HS6ST3: variants seen among roughly 807,000 people sequenced by gnomAD.
The protein encoded by HS6ST3 is heparan-sulfate 6-O-sulfotransferase 3.
Under a neutral mutation model 36.7 loss-of-function variants are expected in HS6ST3, and 12 were observed. That is an observed-to-expected ratio of 0.33 (90% CI 0.21 to 0.53). The LOEUF is 0.53. Ranked by LOEUF, HS6ST3 falls within the 20% of genes least tolerant of loss-of-function variation. The pLI, the probability that HS6ST3 is intolerant of heterozygous loss-of-function variation, is 0.95. For synonymous variants in HS6ST3, 240 were observed against 257.5 expected, an observed-to-expected ratio of 0.93 and a Z score of 0.65; for missense variants, 584 against 640.9, an observed-to-expected ratio of 0.91 and a Z score of 0.96.
chr13:96,562,099 T>C (rs1046215610), intron 1 of HS6ST3, among the ~76,000 whole-genome samples: 5 of 152,216 alleles, frequency 3.3e-5, no homozygotes, highest in Admixed American at 3.3e-4. Context: ...GCAAAATTAT[T>C]CACAATAGCA....
intron 1 of HS6ST3, among the ~76,000 whole-genome samples, chr13:96,396,875 A>C (rs2055424619): frequency 6.6e-6 from 1 of 152,222 alleles, no homozygotes; most frequent in Non-Finnish European, 1.5e-5. Context: ...AAGGAATTAA[A>C]GTAGATAAAT....
intron 1 of HS6ST3, among the ~76,000 whole-genome samples, chr13:96,100,093 A>G (rs549168839): frequency 6.6e-6 from 1 of 152,300 alleles, no homozygotes; most frequent in East Asian, 1.9e-4. Context: ...AAGAACAAAA[A>G]TAGTCAAGGT....
chr13:96,210,533 A>G (rs1009616366), intron 1 of HS6ST3, among the ~76,000 whole-genome samples: 5 of 151,340 alleles, frequency 3.3e-5, no homozygotes, highest in African/African-American at 7.3e-5. Context: ...TTTCGATCAC[A>G]TGAACTTAGT....
chr13:96,112,700 G>A (rs1677891282), intron 1 of HS6ST3, among the ~76,000 whole-genome samples: 1 of 145,790 alleles, frequency 6.9e-6, no homozygotes, highest in Non-Finnish European at 1.5e-5. Flanking sequence ...CCCATGAGTT[G>A]GAGGTTGCAG....
intron 1 of HS6ST3, among the ~76,000 whole-genome samples, chr13:96,332,720 G>A (rs538800026): frequency 4.6e-5 from 7 of 152,210 alleles, no homozygotes; most frequent in Non-Finnish European, 8.8e-5. Context: ...TTTACATTTT[G>A]TACAGGAAAT....
In HS6ST3 at chr13:96,644,055, C is replaced by CT. The variant is rs746515398; in HGVS notation, c.708-188433dup. ...ATGAAAGATAATCTTTTTGGATGTC[C>CT]TTACCAGCATTTTCCACTGATGCTA... is the stretch of plus-strand genomic sequence containing the variant. On this transcript the variant is annotated intron_variant, in intron 1 of 1. Coordinates refer to ENST00000376705, the MANE Select transcript of HS6ST3 (RefSeq NM_153456.4). Among the ~76,000 whole-genome samples the CT allele has an allele frequency of 3.4e-4, 51 of 151,856 alleles. 1 individual carries two copies. The highest frequency in any genetic ancestry group is 4.1e-4 in the South Asian group (2 of 4,824).
Position 96,832,809 on chromosome 13 carries a change from A to G in HS6ST3, c.1027A>G (p.Asn343Asp), listed in dbSNP as rs1449435488. ...CACCATCCTGTTGCAGAGTGCAAAGAACAACCTGAAGAACATGGCCTTCTT... is the reference window on the plus strand; with the variant it reads ...CACCATCCTGTTGCAGAGTGCAAAGGACAACCTGAAGAACATGGCCTTCTT... ...RNTILLQSAK[N>D]NLKNMAFFGL... The change falls in exon 2 of 2, where the codon AAC (asparagine) becomes GAC (aspartate). Residue 343 changes from asparagine (N) to aspartate (D), a missense_variant. Asn to Asp is a conservative substitution (Grantham distance 23). Around this residue, in one of 3 missense-constraint regions of HS6ST3, gnomAD observed 360 missense variants for 411.3 expected, o/e 0.88. Coordinates refer to ENST00000376705, the MANE Select transcript of HS6ST3 (RefSeq NM_153456.4). 6.2e-6 allele frequency: 10 copies of G among 1,614,068 alleles called. No homozygotes were observed. Among genetic ancestry groups the G allele is most frequent in the African/African-American group, 2.7e-5 (2 of 74,928 alleles).
intron 1 of HS6ST3, among the ~76,000 whole-genome samples, chr13:96,721,000 C>A (rs1875833708): frequency 6.6e-6 from 1 of 152,088 alleles, no homozygotes; most frequent in Non-Finnish European, 1.5e-5. Flanking sequence ...GAAGAAAAAT[C>A]ATAAAATTTA....
intron 1 of HS6ST3, among the ~76,000 whole-genome samples, chr13:96,109,203 C>T (rs1181905456): frequency 1.3e-5 from 2 of 152,054 alleles, no homozygotes; most frequent in African/African-American, 2.4e-5. Flanking sequence ...AAGCATTGCC[C>T]GATACATGAG....
At chr13:96,644,548 G>C (rs372299596) in intron 1 of HS6ST3, among the ~76,000 whole-genome samples, 34 of 152,158 alleles carry the variant, frequency 2.2e-4, no homozygotes, top group African/African-American at 7.9e-4. Context: ...AGATCTGCCA[G>C]GGCTCATGTG....
chr13:96,096,837 C>T (rs886888109), intron 1 of HS6ST3, among the ~76,000 whole-genome samples: 1 of 152,134 alleles, frequency 6.6e-6, no homozygotes, highest in Non-Finnish European at 1.5e-5. Flanking sequence ...CTATTATGGC[C>T]TGTACTGCTT....
chr13:96,126,007 A>C (rs989824690), intron 1 of HS6ST3, among the ~76,000 whole-genome samples: 14 of 152,072 alleles, frequency 9.2e-5, no homozygotes, highest in African/African-American at 3.4e-4. Flanking sequence ...TTTTACAAGT[A>C]ACGGCAGGTG....
At chr13:96,146,007 G>A (rs757007261) in intron 1 of HS6ST3, among the ~76,000 whole-genome samples, 11 of 152,110 alleles carry the variant, frequency 7.2e-5, no homozygotes, top group Admixed American at 4.6e-4. Context: ...TGTTCCATTG[G>A]TCTATATCTC....
chr13:96,327,128 T>G (rs939657208), intron 1 of HS6ST3, among the ~76,000 whole-genome samples: 7 of 148,784 alleles, frequency 4.7e-5, no homozygotes, highest in African/African-American at 1.7e-4. Flanking sequence ...ATTTTGTAGG[T>G]TGCCTGTTCA....
At chr13:96,513,783 A>AT (rs202175046) in intron 1 of HS6ST3, among the ~76,000 whole-genome samples, 2 of 151,986 alleles carry the variant, frequency 1.3e-5, no homozygotes, top group East Asian at 1.9e-4. Flanking sequence ...AGGTAAGAGG[A>AT]TTTTTAAATA....
At chr13:96,328,832 A>G (rs1182362544) in intron 1 of HS6ST3, among the ~76,000 whole-genome samples, 2 of 151,928 alleles carry the variant, frequency 1.3e-5, no homozygotes, top group Non-Finnish European at 2.9e-5. Context: ...TGGTTGGTAA[A>G]CTATTGATTA....
At chr13:96,511,259 A>T (rs980080290) in intron 1 of HS6ST3, among the ~76,000 whole-genome samples, 2 of 152,100 alleles carry the variant, frequency 1.3e-5, no homozygotes, top group African/African-American at 4.8e-5. Context: ...AATTTTTTTT[A>T]GGAATTTATA....
At chr13:96,181,385 C>A (rs373193889) in intron 1 of HS6ST3, among the ~76,000 whole-genome samples, 1 of 152,174 alleles carries the variant, frequency 6.6e-6, no homozygotes, top group South Asian at 2.1e-4. Context: ...TTTGCTATTG[C>A]GTCGTGCTCT....
At chr13:96,126,670 G>A (rs947283851) in intron 1 of HS6ST3, among the ~76,000 whole-genome samples, 3 of 152,096 alleles carry the variant, frequency 2.0e-5, no homozygotes, top group South Asian at 2.1e-4. Flanking sequence ...TTGGGCCAGC[G>A]GGTTGTCTGT....
Sources: gnomAD v4.1 joint callset for allele counts (sites outside exome capture counted in the v4.1 genomes callset) on GRCh38, gnomAD v4.1.1 for gene constraint, gnomAD v4.1.1 regional missense constraint, MANE v1.5 for transcripts, NCBI Gene and HGNC (gene_info 2026-07-23, HGNC 2026-07-21) for gene names.